The following SYN3 variants were observed in gnomAD, a reference collection of about 807,000 sequenced individuals.
SYN3 encodes the protein synapsin III.
A neutral mutation model predicts 65.8 loss-of-function variants in SYN3; 35 were observed. The observed-to-expected ratio is 0.53, with a 90% CI of 0.41 to 0.70. SYN3 has a LOEUF of 0.70. SYN3 is among the 30% of genes least tolerant of loss of function. SYN3 has a pLI of 0.00. For synonymous variants in SYN3, 270 were observed against 292.9 expected (o/e 0.92, Z 0.80); for missense variants, 680 against 749.0 (o/e 0.91, Z 1.08).
chr22:32,814,704 A>G (rs1033936238), intron 6 of SYN3, among the ~76,000 whole-genome samples: 6 of 152,216 alleles, frequency 3.9e-5, no homozygotes, highest in African/African-American at 1.4e-4. Flanking sequence ...TTTTGTTTCA[A>G]AAAGTTAATT....
chr22:33,050,502 AAAC>A (rs1264591136), intron 1 of SYN3, among the ~76,000 whole-genome samples: 32 of 151,800 alleles, frequency 2.1e-4, no homozygotes, highest in African/African-American at 7.3e-4. Flanking sequence ...AAAAAAAACA[AAAC>A]AAAGCAAAAC....
At chr22:32,516,458 G>A (rs1432931108) in intron 13 of SYN3, among the ~76,000 whole-genome samples, 1 of 152,058 alleles carries the variant, frequency 6.6e-6, no homozygotes, top group Non-Finnish European at 1.5e-5. Context: ...CAGCCTCTCA[G>A]GTTCAAGCGA....
chr22:32,546,740 T>G lies in SYN3; in HGVS notation c.775-5027A>C, dbSNP rs1601607471. Among the ~76,000 whole-genome samples the G allele has an allele frequency of 2.6e-5, 4 of 152,002 alleles. No homozygotes were observed. In the South Asian group the frequency reaches 8.3e-4, roughly 32 times the overall value. ...AAGACAAGCTGAAAACAGGAAGCCC[T>G]CAATGAGCTGTGATTCAAGATTACC... is the stretch of plus-strand genomic sequence containing the variant. On this transcript the variant is annotated intron_variant, in intron 7 of 13. Transcript: ENST00000358763.
chr22:32,806,335 G>C (rs1368899043), intron 6 of SYN3, among the ~76,000 whole-genome samples: 1 of 152,090 alleles, frequency 6.6e-6, no homozygotes, highest in Non-Finnish European at 1.5e-5. Flanking sequence ...TGTTTGTTTT[G>C]CATGAACAGC....
chr22:32,673,443 C>T (rs200875625), intron 6 of SYN3, among the ~76,000 whole-genome samples: 1 of 152,186 alleles, frequency 6.6e-6, no homozygotes. Flanking sequence ...ATGGATGAAA[C>T]GACCAAGCCT....
intron 4 of SYN3, chr22:32,931,158 C>A (rs959850309): frequency 2.3e-6 from 1 of 426,628 alleles, no homozygotes; most frequent in Non-Finnish European, 4.3e-6. Context: ...AAATGGAACC[C>A]AAGTCTTTTC....
chr22:32,821,941 A>T (rs1013259483), intron 6 of SYN3, among the ~76,000 whole-genome samples: 32 of 152,136 alleles, frequency 2.1e-4, no homozygotes, highest in African/African-American at 7.7e-4. Context: ...GGATCACCTG[A>T]GGTCGGGAGT....
At chr22:32,566,676 C>G (rs984483099) in intron 7 of SYN3, among the ~76,000 whole-genome samples, 2 of 152,168 alleles carry the variant, frequency 1.3e-5, no homozygotes, top group African/African-American at 4.8e-5. Context: ...GGAGCTGATT[C>G]AGGGAGCTGG....
chr22:32,527,508 G>A (rs1047535616), intron 12 of SYN3, among the ~76,000 whole-genome samples: 1 of 151,856 alleles, frequency 6.6e-6, no homozygotes, highest in African/African-American at 2.4e-5. Context: ...GCTGAGGCAG[G>A]AGAATCACTT....
At chr22:32,859,364 C>T (rs1039961048) in intron 6 of SYN3, 2 of 1,610,808 alleles carry the variant, frequency 1.2e-6, no homozygotes, top group Non-Finnish European at 8.5e-7. Flanking sequence ...ATCATCAATG[C>T]CACAGACCCC....
At chr22:32,533,930 T>C in intron 9 of SYN3, 35 bp from the exon 10 acceptor site, 1 of 1,479,512 alleles carries the variant, frequency 6.8e-7, no homozygotes, top group Non-Finnish European at 9.4e-7. Context: ...TGAAGTGGCC[T>C]GGGAAAGTGG....
chr22:32,931,349 T>C (rs1230594045), intron 4 of SYN3, 41 bp downstream of exon 4: 6 of 1,370,564 alleles, frequency 4.4e-6, no homozygotes, highest in Non-Finnish European at 6.3e-6. Flanking sequence ...GTTCCACGTA[T>C]GCAATTCTCA....
intron 6 of SYN3, among the ~76,000 whole-genome samples, chr22:32,662,044 G>GCTA (rs1326057739): frequency 2.6e-5 from 4 of 152,080 alleles, no homozygotes. Context: ...ACCAGTCTAG[G>GCTA]GAGTCTGTTT....
At chr22:32,654,667 T>C (rs530657813) in intron 6 of SYN3, among the ~76,000 whole-genome samples, 1 of 152,310 alleles carries the variant, frequency 6.6e-6, no homozygotes. Flanking sequence ...GAACTGCACA[T>C]GCAAGGGAAC....
intron 6 of SYN3, among the ~76,000 whole-genome samples, chr22:32,638,722 T>C (rs2059854225): frequency 6.6e-6 from 1 of 152,232 alleles, no homozygotes; most frequent in African/African-American, 2.4e-5. Context: ...TAGACCTTTG[T>C]CAGATGCATA....
At chr22:32,515,804 T>C (rs926052552) in intron 13 of SYN3, among the ~76,000 whole-genome samples, 1 of 149,408 alleles carries the variant, frequency 6.7e-6, no homozygotes, top group African/African-American at 2.4e-5. Context: ...GCTCCAGGAT[T>C]TTTTTTTTTT....
At chr22:32,761,540 G>T (rs1433450690) in intron 6 of SYN3, among the ~76,000 whole-genome samples, 4 of 152,342 alleles carry the variant, frequency 2.6e-5, no homozygotes, top group African/African-American at 4.8e-5. Context: ...TAGCCAGCTT[G>T]CTCCTGAGGG....
At chr22:32,692,529 G>A (rs1257606348) in intron 6 of SYN3, among the ~76,000 whole-genome samples, 4 of 152,158 alleles carry the variant, frequency 2.6e-5, no homozygotes, top group African/African-American at 9.7e-5. Context: ...CCACCAACAC[G>A]CTCACTGTGG....
At chr22:32,861,633 C>T (rs1335089962) in intron 6 of SYN3, 1 of 152,596 alleles carries the variant, frequency 6.6e-6, no homozygotes, top group Non-Finnish European at 1.5e-5. Flanking sequence ...GTGTGAGGCA[C>T]CTGAAGTTTC....
Sources: gnomAD v4.1 joint callset for allele counts (sites outside exome capture counted in the v4.1 genomes callset) on GRCh38, gnomAD v4.1.1 for gene constraint, MANE v1.5 for transcripts, NCBI Gene and HGNC (gene_info 2026-07-23, HGNC 2026-07-21) for gene names.